ZFAND3: variants seen among roughly 807,000 people sequenced by gnomAD.
ZFAND3 encodes AN1-type zinc finger protein 3.
A neutral mutation model predicts 29.6 loss-of-function variants in ZFAND3; 10 were observed. The observed-to-expected ratio is 0.34, with a 90% CI of 0.21 to 0.57. The LOEUF is 0.57. Ranked by LOEUF, ZFAND3 falls within the 20% of genes least tolerant of loss-of-function variation. ZFAND3 has a pLI of 0.86. For synonymous variants in ZFAND3, 128 were observed against 112.6 expected, an observed-to-expected ratio of 1.14 and a Z score of -0.87; for missense variants, 230 against 304.5, an observed-to-expected ratio of 0.76 and a Z score of 1.82.
At chr6:38,078,186 T>A (rs904002401) in intron 3 of ZFAND3, among the ~76,000 whole-genome samples, 5 of 152,192 alleles carry the variant, frequency 3.3e-5, no homozygotes, top group Non-Finnish European at 7.3e-5. Flanking sequence ...AAGAATATAG[T>A]TTCATGGCTT....
chr6:38,031,212 G>A (rs771664472), intron 2 of ZFAND3, among the ~76,000 whole-genome samples: 1 of 151,862 alleles, frequency 6.6e-6, no homozygotes, highest in Non-Finnish European at 1.5e-5. Flanking sequence ...TCTGTATTTG[G>A]GTCCCCTCTT....
chr6:37,881,710 T>G (rs1193259978), intron 1 of ZFAND3, among the ~76,000 whole-genome samples: 1 of 152,176 alleles, frequency 6.6e-6, no homozygotes, highest in South Asian at 2.1e-4. Flanking sequence ...TTTTTAGTCT[T>G]TGGGACCTTC....
chr6:37,876,300 A>G (rs1764791641), intron 1 of ZFAND3, among the ~76,000 whole-genome samples: 2 of 152,350 alleles, frequency 1.3e-5, no homozygotes, highest in South Asian at 4.1e-4. Context: ...TTCTGCCTTC[A>G]ACTTCAGTAG....
chr6:37,985,523 ACACACC>A (rs1261417489), intron 2 of ZFAND3, among the ~76,000 whole-genome samples: 59 of 148,160 alleles, frequency 4.0e-4, no homozygotes, highest in African/African-American at 1.3e-3. Context: ...ACACACACAC[ACACACC>A]CCCACACACG....
chr6:37,904,643 A>G lies in ZFAND3; in HGVS notation c.72-25316A>G, dbSNP rs1268498782. ...CAAAGCAAGAATTATATAATGACCT[A>G]GGGAAGGATGAAGCAGAATGTTCAC... On this transcript the variant is annotated intron_variant, in intron 1 of 5. Coordinates refer to ENST00000287218, the MANE Select transcript of ZFAND3 (RefSeq NM_021943.3). 2.6e-5 allele frequency among the ~76,000 whole-genome samples: 4 copies of G among 152,216 alleles called. 1 individual carries two copies. Among genetic ancestry groups the G allele is most frequent in the Middle Eastern group, 6.3e-3 (2 of 316 alleles).
chr6:38,118,285 G>A (rs1316970408), intron 5 of ZFAND3, among the ~76,000 whole-genome samples: 1 of 152,132 alleles, frequency 6.6e-6, no homozygotes, highest in Non-Finnish European at 1.5e-5. Flanking sequence ...GGAAACTCTG[G>A]GCTCTGCTGG....
At chr6:37,860,038 A>G (rs1287516428) in intron 1 of ZFAND3, among the ~76,000 whole-genome samples, 1 of 134,186 alleles carries the variant, frequency 7.5e-6, no homozygotes, top group East Asian at 2.1e-4. Flanking sequence ...CGCCCAGCTA[A>G]TTTTTTTTTT....
chr6:37,929,443 G>T (rs1761551035), intron 1 of ZFAND3, among the ~76,000 whole-genome samples: 1 of 152,182 alleles, frequency 6.6e-6, no homozygotes, highest in African/African-American at 2.4e-5. Context: ...TTTTAAACAA[G>T]AAGGTCATAA....
At chr6:37,821,671 C>CT (rs1416302704) in intron 1 of ZFAND3, among the ~76,000 whole-genome samples, 1 of 152,174 alleles carries the variant, frequency 6.6e-6, no homozygotes, top group Non-Finnish European at 1.5e-5. Flanking sequence ...GACATATGTC[C>CT]TAAAGAAAGT....
intron 3 of ZFAND3, among the ~76,000 whole-genome samples, chr6:38,075,610 T>A (rs994835563): frequency 5.3e-5 from 8 of 152,212 alleles, no homozygotes; most frequent in Non-Finnish European, 8.8e-5. Flanking sequence ...GAATATTACA[T>A]AAACTTAGTT....
intron 2 of ZFAND3, among the ~76,000 whole-genome samples, chr6:38,050,687 A>T (rs774493621): frequency 6.6e-6 from 1 of 152,078 alleles, no homozygotes; most frequent in South Asian, 2.1e-4. Flanking sequence ...TCTTTTCTTT[A>T]TAAGTTACCC....
chr6:37,882,822 C>T (rs1221118252), intron 1 of ZFAND3, among the ~76,000 whole-genome samples: 1 of 152,178 alleles, frequency 6.6e-6, no homozygotes, highest in Non-Finnish European at 1.5e-5. Context: ...CACTGTGGGA[C>T]TTTGGAATTT....
chr6:37,823,848 A>G (rs548323856), intron 1 of ZFAND3, among the ~76,000 whole-genome samples: 37 of 152,044 alleles, frequency 2.4e-4, no homozygotes, highest in Admixed American at 8.5e-4. Flanking sequence ...CTGGAGTGCA[A>G]TGGCGCAAGC....
At position 38,072,156 on chromosome 6, in the gene ZFAND3, C is replaced by CTG. The variant is rs200658300; in HGVS notation, c.296-10235_296-10234insGT. 0.017 allele frequency among the ~76,000 whole-genome samples: 2,502 copies of CTG among 143,578 alleles called. 238 individuals are homozygous for CTG. The East Asian group carries it at 0.29, about 17-fold the overall frequency. The allele number at this position is 143,578 out of a possible 152,430, so 94.2% of individuals were successfully genotyped here. A position where few individuals can be genotyped will look rare whatever the true frequency, so the allele number is the denominator to read the frequency against. On this transcript the variant is annotated intron_variant, in intron 3 of 5. Coordinates refer to ENST00000287218, the MANE Select transcript of ZFAND3 (RefSeq NM_021943.3). The stretch of plus-strand genomic sequence containing the variant: ...TCTGTTTCTCTCTCTCTCTCTCTCT[C>CTG]TCTCTGTCTCTGTCTCTGTCTTCAG...
rs115917855 is a variant in ZFAND3, at chr6:38,118,405, T to A, written c.529+1666T>A. On this transcript the variant is annotated intron_variant, in intron 5 of 5. Coordinates refer to ENST00000287218, the MANE Select transcript of ZFAND3 (RefSeq NM_021943.3). ...AGGGAATTTGAGCAGTTCAGTCTGTTACCAGTGTTGTGAGCCTACCTGGTC... is the reference window on the plus strand; with the variant it reads ...AGGGAATTTGAGCAGTTCAGTCTGTAACCAGTGTTGTGAGCCTACCTGGTC... Among the ~76,000 whole-genome samples the A allele has an allele frequency of 4.0e-3, 610 of 152,288 alleles. 2 individuals are homozygous for A. The highest frequency in any genetic ancestry group is 0.014 in the African/African-American group (583 of 41,568).
intron 5 of ZFAND3, among the ~76,000 whole-genome samples, chr6:38,133,188 A>G (rs577601505): frequency 6.6e-6 from 1 of 152,326 alleles, no homozygotes; most frequent in African/African-American, 2.4e-5. Flanking sequence ...TTTATGATAT[A>G]TGTCTCAGAG....
At chr6:37,852,159 A>G (rs1483960495) in intron 1 of ZFAND3, among the ~76,000 whole-genome samples, 4 of 152,154 alleles carry the variant, frequency 2.6e-5, no homozygotes, top group Non-Finnish European at 5.9e-5. Flanking sequence ...AAATCAGTTT[A>G]TTTATCTCAT....
At chr6:38,024,397 G>C (rs1219308605) in intron 2 of ZFAND3, among the ~76,000 whole-genome samples, 1 of 151,886 alleles carries the variant, frequency 6.6e-6, no homozygotes, top group Non-Finnish European at 1.5e-5. Flanking sequence ...GCATGAACCC[G>C]GGAGGTGGAG....
At chr6:38,056,150 TTTATAA>T (rs1764130735) in intron 2 of ZFAND3, among the ~76,000 whole-genome samples, 1 of 152,190 alleles carries the variant, frequency 6.6e-6, no homozygotes, top group Non-Finnish European at 1.5e-5. Context: ...TGAAATCTTG[TTTATAA>T]TAGTGAAAAG....
Sources: allele counts gnomAD v4.1 joint callset (sites outside exome capture counted in the v4.1 genomes callset), GRCh38; gene constraint gnomAD v4.1.1; transcripts MANE v1.5; gene names NCBI Gene and HGNC (gene_info 2026-07-23, HGNC 2026-07-21).